Variants in EDIL3 observed in about 807,000 individuals in gnomAD.
The protein encoded by EDIL3 is EGF like and discoidin domains 3.
EDIL3 carries 37 observed loss-of-function variants against 67.4 expected under a neutral mutation model. That is an observed-to-expected ratio of 0.55 (90% confidence interval 0.42 to 0.72). The LOEUF (loss-of-function observed/expected upper bound fraction) is 0.72. Ranked by LOEUF, EDIL3 falls within the 30% of genes least tolerant of loss-of-function variation. The pLI, the probability that EDIL3 is intolerant of heterozygous loss-of-function variation, is 0.00. For missense variants in EDIL3, 527 were observed against 586.3 expected (o/e 0.90, Z 1.04); for synonymous variants, 195 against 196.3 (o/e 0.99, Z 0.05).
chr5:84,115,700 T>C (rs973192012), intron 5 of EDIL3, among the ~76,000 whole-genome samples: 2 of 152,212 alleles, frequency 1.3e-5, no homozygotes, highest in Admixed American at 6.5e-5. Flanking sequence ...AAAAACAATA[T>C]GGATTGATGA....
chr5:83,985,646 T>G (rs1745046538), intron 9 of EDIL3, among the ~76,000 whole-genome samples: 1 of 152,054 alleles, frequency 6.6e-6, no homozygotes, highest in Admixed American at 6.6e-5. Flanking sequence ...GTAAAATAAG[T>G]AAATTGGCCT....
chr5:84,124,603 T>C (rs1282155433), intron 5 of EDIL3, among the ~76,000 whole-genome samples: 2 of 151,966 alleles, frequency 1.3e-5, no homozygotes, highest in Admixed American at 1.3e-4. Flanking sequence ...TTTATTCTTA[T>C]CATATTGGCT....
At chr5:84,108,575 G>A (rs1166096495) in intron 5 of EDIL3, among the ~76,000 whole-genome samples, 4 of 152,074 alleles carry the variant, frequency 2.6e-5, no homozygotes, top group East Asian at 3.8e-4. Flanking sequence ...AAAACTTAAC[G>A]TTAAAAGTTC....
At chr5:84,177,575 G>A (rs190395340) in intron 4 of EDIL3, among the ~76,000 whole-genome samples, 266 of 152,096 alleles carry the variant, frequency 1.7e-3, no homozygotes, top group Admixed American at 2.0e-3. Context: ...TCTAAACTAC[G>A]GACTTTGGTA....
At chr5:84,050,024 C>G (rs1746300912) in intron 9 of EDIL3, among the ~76,000 whole-genome samples, 1 of 151,488 alleles carries the variant, frequency 6.6e-6, no homozygotes, top group Non-Finnish European at 1.5e-5. Context: ...ACGGTGAAAC[C>G]CCGTCTCTAC....
At chr5:84,035,037 T>A (rs1745995211) in intron 9 of EDIL3, among the ~76,000 whole-genome samples, 1 of 152,086 alleles carries the variant, frequency 6.6e-6, no homozygotes, top group African/African-American at 2.4e-5. Flanking sequence ...CATACTGATG[T>A]TTTTTTAAAA....
chr5:84,096,551 T>C (rs1028915654), intron 6 of EDIL3, among the ~76,000 whole-genome samples: 5 of 152,300 alleles, frequency 3.3e-5, no homozygotes, highest in African/African-American at 1.2e-4. Context: ...GTATCACCAC[T>C]GTATCTAGGA....
chr5:83,963,831 A>T (rs1744646733), intron 9 of EDIL3, among the ~76,000 whole-genome samples: 1 of 151,868 alleles, frequency 6.6e-6, no homozygotes, highest in African/African-American at 2.4e-5. Context: ...CAAAAATAGT[A>T]TTAGATTTTC....
At chr5:84,271,306 C>T (rs1046133615) in intron 1 of EDIL3, among the ~76,000 whole-genome samples, 4 of 151,694 alleles carry the variant, frequency 2.6e-5, no homozygotes, top group African/African-American at 4.8e-5. Flanking sequence ...CCCAGCTACT[C>T]GGGAGACTGA....
intron 2 of EDIL3, among the ~76,000 whole-genome samples, chr5:84,253,313 A>G (rs989707904): frequency 2.0e-5 from 3 of 152,202 alleles, no homozygotes; most frequent in African/African-American, 7.2e-5. Context: ...TCTTCGTGGT[A>G]CTAATGCGAA....
At chr5:84,311,332 T>C (rs1027948006) in intron 1 of EDIL3, among the ~76,000 whole-genome samples, 65 of 150,066 alleles carry the variant, frequency 4.3e-4, no homozygotes, top group Non-Finnish European at 8.2e-4. Context: ...TTCTTTTTTT[T>C]TTTTTTTACA....
intron 9 of EDIL3, among the ~76,000 whole-genome samples, chr5:83,965,752 C>T (rs1427362175): frequency 2.0e-5 from 3 of 151,936 alleles, no homozygotes; most frequent in African/African-American, 7.3e-5. Context: ...CTAACGGCTC[C>T]CCTTCTGCAA....
chr5:84,238,805 T>C (rs1744733134), intron 2 of EDIL3, among the ~76,000 whole-genome samples: 1 of 151,882 alleles, frequency 6.6e-6, no homozygotes, highest in Admixed American at 6.6e-5. Flanking sequence ...AAATTTCTCC[T>C]TAATTGGGAT....
intron 9 of EDIL3, among the ~76,000 whole-genome samples, chr5:83,987,365 T>C (rs1264096884): frequency 6.6e-6 from 1 of 152,174 alleles, no homozygotes; most frequent in Admixed American, 6.6e-5. Context: ...AAAAGTGGCA[T>C]GCCTTCATAT....
intron 1 of EDIL3, among the ~76,000 whole-genome samples, chr5:84,268,348 T>G (rs940305074): frequency 1.3e-5 from 2 of 152,148 alleles, no homozygotes; most frequent in Non-Finnish European, 2.9e-5. Context: ...GCATTCTTTC[T>G]GCAAACACCA....
intron 1 of EDIL3, among the ~76,000 whole-genome samples, chr5:84,292,715 C>G (rs1273509486): frequency 1.3e-5 from 2 of 151,932 alleles, no homozygotes; most frequent in African/African-American, 2.4e-5. Flanking sequence ...TTATCAGATA[C>G]CAGAAACTCA....
intron 5 of EDIL3, among the ~76,000 whole-genome samples, chr5:84,114,954 G>C (rs925035585): frequency 6.6e-6 from 1 of 152,166 alleles, no homozygotes; most frequent in Non-Finnish European, 1.5e-5. Flanking sequence ...AGGTAGAGAC[G>C]ATGCCTTTTG....
chr5:84,017,434 T>C (rs1464275875), intron 9 of EDIL3, among the ~76,000 whole-genome samples: 1 of 152,208 alleles, frequency 6.6e-6, no homozygotes, highest in African/African-American at 2.4e-5. Context: ...CACAATAACC[T>C]GAACTTTGTT....
chr5:84,227,404 T>C (rs1744472337), intron 3 of EDIL3, among the ~76,000 whole-genome samples: 1 of 151,716 alleles, frequency 6.6e-6, no homozygotes, highest in South Asian at 2.1e-4. Flanking sequence ...ACCAGTCAGA[T>C]ACTATTAAAA....
Sources: allele counts gnomAD v4.1 joint callset (sites outside exome capture counted in the v4.1 genomes callset), GRCh38; gene constraint gnomAD v4.1.1; transcripts MANE v1.5; gene names NCBI Gene and HGNC (gene_info 2026-07-23, HGNC 2026-07-21).